Variants in MAGI2 observed in about 807,000 individuals in gnomAD.
MAGI2 encodes membrane associated guanylate kinase, WW and PDZ domain containing 2.
MAGI2 carries 35 observed loss-of-function variants against 133.3 expected under a neutral mutation model. The ratio of observed to expected loss-of-function variants is 0.26; its 90% CI spans 0.20 to 0.35. MAGI2 has a LOEUF of 0.35. MAGI2 is among the 10% of genes least tolerant of loss of function. The pLI is 1.00. For missense variants in MAGI2, 1,636 were observed against 1,863.4 expected (o/e 0.88, Z 2.25); for synonymous variants, 729 against 710.6 (o/e 1.03, Z -0.41).
chr7:78,076,777 C>T (rs914531717), intron 21 of MAGI2, among the ~76,000 whole-genome samples: 26 of 126,256 alleles, frequency 2.1e-4, no homozygotes, highest in African/African-American at 2.1e-4. Flanking sequence ...ACCCGGGAAG[C>T]GGAGCTTGCA....
intron 20 of MAGI2, among the ~76,000 whole-genome samples, chr7:78,107,061 T>A (rs1818764802): frequency 6.6e-6 from 1 of 152,174 alleles, no homozygotes; most frequent in South Asian, 2.1e-4. Flanking sequence ...TCTAGTTTCA[T>A]TCTTCTGCAT....
At chr7:79,399,154 G>T (rs963541427) in intron 1 of MAGI2, among the ~76,000 whole-genome samples, 10 of 145,736 alleles carry the variant, frequency 6.9e-5, no homozygotes, top group Non-Finnish European at 3.0e-5. Flanking sequence ...GAGTGCAGAG[G>T]CACAATCTTG....
chr7:78,777,662 T>A (rs1355225581), intron 2 of MAGI2, among the ~76,000 whole-genome samples: 1 of 152,186 alleles, frequency 6.6e-6, no homozygotes, highest in Non-Finnish European at 1.5e-5. Context: ...ATTATTACAA[T>A]ATTTTCTTTT....
intron 1 of MAGI2, among the ~76,000 whole-genome samples, chr7:79,297,618 T>C (rs889294457): frequency 1.2e-4 from 18 of 152,252 alleles, no homozygotes; most frequent in African/African-American, 4.1e-4. Flanking sequence ...ATAGAGCTTA[T>C]CTTCTAACAA....
intron 2 of MAGI2, among the ~76,000 whole-genome samples, chr7:78,936,664 A>T (rs1290180867): frequency 1.3e-5 from 2 of 152,052 alleles, no homozygotes; most frequent in African/African-American, 4.8e-5. Flanking sequence ...CCACCTCATA[A>T]TGATAGCTTA....
At chr7:78,584,535 G>A (rs776648492) in intron 3 of MAGI2, among the ~76,000 whole-genome samples, 2 of 151,158 alleles carry the variant, frequency 1.3e-5, no homozygotes, top group African/African-American at 2.4e-5. Flanking sequence ...TGATGAAGGT[G>A]TTAAAAGCTT....
chr7:78,592,594 A>G (rs777402857), intron 3 of MAGI2, among the ~76,000 whole-genome samples: 1 of 152,232 alleles, frequency 6.6e-6, no homozygotes, highest in Non-Finnish European at 1.5e-5. Context: ...GACGGTAGAA[A>G]AAATCAATTA....
At chr7:78,102,452 T>A (rs1818288949) in intron 20 of MAGI2, among the ~76,000 whole-genome samples, 1 of 152,230 alleles carries the variant, frequency 6.6e-6, no homozygotes, top group African/African-American at 2.4e-5. Context: ...CAAAATATCA[T>A]AATGTACCCC....
At chr7:78,692,690 C>T (rs1817093954) in intron 2 of MAGI2, among the ~76,000 whole-genome samples, 1 of 152,134 alleles carries the variant, frequency 6.6e-6, no homozygotes, top group Admixed American at 6.5e-5. Flanking sequence ...CATTGTGTCT[C>T]TTCAGTTTAT....
chr7:79,137,642 G>A (rs918666473), intron 1 of MAGI2, among the ~76,000 whole-genome samples: 3 of 151,456 alleles, frequency 2.0e-5, no homozygotes, highest in Non-Finnish European at 4.4e-5. Flanking sequence ...CAGTAGAGAC[G>A]GGGTTTCACT....
At chr7:79,440,264 A>G (rs1848412716) in intron 1 of MAGI2, among the ~76,000 whole-genome samples, 1 of 151,806 alleles carries the variant, frequency 6.6e-6, no homozygotes, top group Non-Finnish European at 1.5e-5. Flanking sequence ...GAGTCAGTTT[A>G]TAATTACATG....
intron 1 of MAGI2, among the ~76,000 whole-genome samples, chr7:79,069,125 C>T (rs1814687546): frequency 6.6e-6 from 1 of 151,960 alleles, no homozygotes; most frequent in South Asian, 2.1e-4. Flanking sequence ...CTGCTTGATC[C>T]AGAGCTGAGT....
intron 1 of MAGI2, among the ~76,000 whole-genome samples, chr7:79,010,434 A>T (rs1186940157): frequency 6.6e-6 from 1 of 152,166 alleles, no homozygotes; most frequent in African/African-American, 2.4e-5. Context: ...TTTCAGGTTT[A>T]AAAGTTAGCC....
At chr7:78,558,379 A>G (rs549489450) in intron 3 of MAGI2, among the ~76,000 whole-genome samples, 1 of 152,198 alleles carries the variant, frequency 6.6e-6, no homozygotes, top group Non-Finnish European at 1.5e-5. Flanking sequence ...TTTTATTTTG[A>G]TCTTAAGTAT....
chr7:78,035,554 T>C (rs1201404316), intron 21 of MAGI2, among the ~76,000 whole-genome samples: 1 of 152,142 alleles, frequency 6.6e-6, no homozygotes, highest in Non-Finnish European at 1.5e-5. Context: ...GTTCCCTCAG[T>C]GTTTTTTCAG....
chr7:79,446,808 G>A (rs373865094), intron 1 of MAGI2, among the ~76,000 whole-genome samples: 46 of 152,136 alleles, frequency 3.0e-4, no homozygotes, highest in South Asian at 1.5e-3. Flanking sequence ...AACATTAACC[G>A]GGCGTGGATG....
chr7:79,417,125 C>A lies in MAGI2; in HGVS notation c.301+35895G>T, dbSNP rs1163815428. ...TCACAGGCCTATATGTTTTATTTATCTAACTATACCTCCTCTACAATGTCT... is the reference window on the plus strand; with the variant it reads ...TCACAGGCCTATATGTTTTATTTATATAACTATACCTCCTCTACAATGTCT... On this transcript the variant is annotated intron_variant, in intron 1 of 21. Transcript: ENST00000354212. Among the ~76,000 whole-genome samples, 11 of 152,110 alleles carry A rather than the reference C, an allele frequency of 7.2e-5. 1 individual carries two copies. Among genetic ancestry groups the A allele is most frequent in the Non-Finnish European group, 1.6e-4 (11 of 68,004 alleles).
chr7:78,959,646 C>T lies in MAGI2; in HGVS notation c.418+47444G>A, dbSNP rs550111383. Reference sequence around the variant, plus strand: ...CTTAGGGAATCATTGATGTATGTTTCATTACAATGTTAGCAGTTTTTGACA... The same window carrying T: ...CTTAGGGAATCATTGATGTATGTTTTATTACAATGTTAGCAGTTTTTGACA... On this transcript the variant is annotated intron_variant, in intron 2 of 21. Coordinates refer to ENST00000354212, the MANE Select transcript of MAGI2 (RefSeq NM_012301.4). Among the ~76,000 whole-genome samples the T allele has an allele frequency of 4.5e-4, 68 of 152,240 alleles. 2 individuals are homozygous for T. In the South Asian group the frequency reaches 0.014, roughly 31 times the overall value.
At chr7:79,135,994 A>G (rs921499369) in intron 1 of MAGI2, among the ~76,000 whole-genome samples, 2 of 36,206 alleles carry the variant, frequency 5.5e-5, no homozygotes, top group Non-Finnish European at 2.0e-4. Context: ...AAAGAAAGAA[A>G]GAAAGAAAGA....
Sources: allele counts gnomAD v4.1 joint callset (sites outside exome capture counted in the v4.1 genomes callset), GRCh38; gene constraint gnomAD v4.1.1; transcripts MANE v1.5; gene names NCBI Gene and HGNC (gene_info 2026-07-23, HGNC 2026-07-21).